Variants in ABI2 observed in about 807,000 individuals in gnomAD.
ABI2 encodes abelson interactor 2.
Under a neutral mutation model 59.2 loss-of-function variants are expected in ABI2, and 25 were observed. The ratio of observed to expected loss-of-function variants is 0.42; its 90% CI spans 0.31 to 0.59. ABI2 has a LOEUF of 0.59. ABI2 is among the 20% of genes least tolerant of loss of function. The probability of loss-of-function intolerance (pLI) is 0.14; values close to 1 mark genes in which losing one functional copy is unlikely to be tolerated. For synonymous variants in ABI2, 213 were observed against 235.5 expected (o/e 0.90, Z 0.87); for missense variants, 545 against 681.8 (o/e 0.80, Z 2.23).
At chr2:203,412,691 G>A (rs1305961636) in intron 10 of ABI2, among the ~76,000 whole-genome samples, 1 of 152,138 alleles carries the variant, frequency 6.6e-6, no homozygotes, top group Non-Finnish European at 1.5e-5. Flanking sequence ...ACACTGGCTC[G>A]AGGAGAAAAC....
intron 2 of ABI2, among the ~76,000 whole-genome samples, chr2:203,370,538 G>C (rs1239637457): frequency 6.6e-6 from 1 of 152,182 alleles, no homozygotes; most frequent in African/African-American, 2.4e-5. Flanking sequence ...TATAAAAGCA[G>C]GCAGCGGGCC....
At chr2:203,347,731 C>G (rs979730712) in intron 1 of ABI2, among the ~76,000 whole-genome samples, 1 of 152,186 alleles carries the variant, frequency 6.6e-6, no homozygotes, top group Non-Finnish European at 1.5e-5. Flanking sequence ...ACTTATGACA[C>G]TTAGGTTTCT....
chr2:203,419,106 C>G (rs185583470), intron 11 of ABI2, among the ~76,000 whole-genome samples: 1 of 126,308 alleles, frequency 7.9e-6, no homozygotes. Flanking sequence ...AATTAAAGAT[C>G]TTTTTTTTTT....
chr2:203,356,925 C>T (rs1180790829), intron 1 of ABI2, among the ~76,000 whole-genome samples: 1 of 151,698 alleles, frequency 6.6e-6, no homozygotes, highest in Non-Finnish European at 1.5e-5. Context: ...TCACATTGTT[C>T]CTGTCTTTTT....
chr2:203,377,592 A>G (rs1009991604), intron 2 of ABI2, among the ~76,000 whole-genome samples: 28 of 152,196 alleles, frequency 1.8e-4, no homozygotes, highest in Non-Finnish European at 2.9e-4. Flanking sequence ...CATACTTTTA[A>G]TGATTTAGAA....
chr2:203,345,743 A>G lies in ABI2; in HGVS notation c.117+17112A>G, dbSNP rs577377134. On this transcript the variant is annotated intron_variant, in intron 1 of 11. Transcript: ENST00000261018. ...GTATTTTTAGTAGAGACGGGGTTTC[A>G]CCACATTGGCCAGGCTGGTTTCAAA... is the stretch of plus-strand genomic sequence containing the variant. 9.9e-5 allele frequency among the ~76,000 whole-genome samples: 15 copies of G among 151,506 alleles called. No individual in the cohort carries two copies. In the East Asian group the frequency reaches 1.8e-3, roughly 18 times the overall value.
intron 1 of ABI2, among the ~76,000 whole-genome samples, chr2:203,341,535 C>T (rs796499769): frequency 5.8e-4 from 88 of 151,986 alleles, no homozygotes; most frequent in African/African-American, 2.9e-4. Context: ...GCCAAGATGG[C>T]GAAACCCCAT....
intron 1 of ABI2, among the ~76,000 whole-genome samples, chr2:203,339,466 A>G (rs957291092): frequency 2.0e-5 from 3 of 151,590 alleles, no homozygotes; most frequent in African/African-American, 7.3e-5. Flanking sequence ...CTGCAGTCCT[A>G]GCTACTCCAG....
chr2:203,364,760 G>T (rs2094154425), intron 1 of ABI2, among the ~76,000 whole-genome samples: 1 of 148,906 alleles, frequency 6.7e-6, no homozygotes, highest in African/African-American at 2.5e-5. Flanking sequence ...CAAGAGACAG[G>T]GTCTTGCTTT....
At chr2:203,425,751 G>A (rs1396762945) in intron 11 of ABI2, among the ~76,000 whole-genome samples, 1 of 152,162 alleles carries the variant, frequency 6.6e-6, no homozygotes, top group African/African-American at 2.4e-5. Flanking sequence ...CCAGGTGCAG[G>A]TGGCTCATGC....
intron 1 of ABI2, among the ~76,000 whole-genome samples, chr2:203,356,266 C>T (rs1220767603): frequency 6.6e-6 from 1 of 152,166 alleles, no homozygotes; most frequent in Non-Finnish European, 1.5e-5. Context: ...TGGCTCACTA[C>T]GAGCTCAGAC....
intron 5 of ABI2, 31 bp downstream of exon 5, chr2:203,391,174 T>G: frequency 6.9e-7 from 1 of 1,444,522 alleles, no homozygotes; most frequent in Non-Finnish European, 9.5e-7. Flanking sequence ...TGAAAACCAT[T>G]TCATGTAGTA....
At chr2:203,378,024 A>G (rs1578007688) in intron 2 of ABI2, among the ~76,000 whole-genome samples, 1 of 152,230 alleles carries the variant, frequency 6.6e-6, no homozygotes, top group South Asian at 2.1e-4. Context: ...AGTTTTCCCA[A>G]GCAGTTGAAG....
Position 203,391,072 on chromosome 2 carries a change from T to C in ABI2, c.507T>C (p.Gly169=), listed in dbSNP as rs199497527. The part of the protein sequence containing the change: ...FKVSTQNMKM[G]GLPRTTPPTQ... ...TGAGTACCCAGAACATGAAGATGGGTGGGCTGCCGCGTACAACACCTCCAA... is the reference window on the plus strand; with the variant it reads ...TGAGTACCCAGAACATGAAGATGGGCGGGCTGCCGCGTACAACACCTCCAA... The change falls in exon 5 of 12, where the codon GGT becomes GGC. Residue 169 remains glycine (G), a synonymous_variant. Coordinates refer to ENST00000261018, the MANE Select transcript of ABI2 (RefSeq NM_001375670.1). 1.4e-4 allele frequency: 226 copies of C among 1,613,898 alleles called. No homozygotes were observed. Among genetic ancestry groups the C allele is most frequent in the Middle Eastern group, 5.0e-4 (3 of 6,060 alleles).
intron 9 of ABI2, among the ~76,000 whole-genome samples, chr2:203,405,563 T>C (rs62182777): frequency 6.6e-6 from 1 of 152,086 alleles, no homozygotes; most frequent in Non-Finnish European, 1.5e-5. Flanking sequence ...AAAAAAAAAT[T>C]ATGTAAGTCT....
chr2:203,407,425 A>G (rs554092948), intron 9 of ABI2, among the ~76,000 whole-genome samples: 1 of 152,326 alleles, frequency 6.6e-6, no homozygotes, highest in South Asian at 2.1e-4. Context: ...TATTTTGTCT[A>G]ATATTCTCAG....
rs1444610891 is a variant in ABI2 at position 203,396,172 on chromosome 2, G to C, written c.850+392G>C. 2.6e-5 allele frequency among the ~76,000 whole-genome samples: 4 copies of C among 152,272 alleles called. No homozygotes were observed. In the South Asian group the frequency reaches 8.3e-4, roughly 32 times the overall value. On this transcript the variant is annotated intron_variant, in intron 7 of 11. Transcript: ENST00000261018. Reference sequence around the variant, plus strand: ...ACAGTTAAATTTAGTGGCTGTATTGGAATTTAGTAGTCTCTGAAAATACTA... The same window carrying C: ...ACAGTTAAATTTAGTGGCTGTATTGCAATTTAGTAGTCTCTGAAAATACTA...
intron 2 of ABI2, among the ~76,000 whole-genome samples, chr2:203,374,498 CAAAAAAAAAAA>C (rs777951265): frequency 1.9e-5 from 1 of 53,840 alleles, no homozygotes; most frequent in African/African-American, 7.3e-5. Flanking sequence ...GACTCTGTCT[CAAAAAAAAAAA>C]AAAAAAAAAA....
At chr2:203,338,054 A>T (rs971354476) in intron 1 of ABI2, among the ~76,000 whole-genome samples, 3 of 152,202 alleles carry the variant, frequency 2.0e-5, no homozygotes, top group Admixed American at 2.0e-4. Context: ...TAATCAAAAC[A>T]GTGTGTTACT....
Sources: allele counts gnomAD v4.1 joint callset (sites outside exome capture counted in the v4.1 genomes callset), GRCh38; gene constraint gnomAD v4.1.1; transcripts MANE v1.5; gene names NCBI Gene and HGNC (gene_info 2026-07-23, HGNC 2026-07-21).